The following SLC17A1 variants were observed in gnomAD, a reference collection of about 807,000 sequenced individuals.
SLC17A1 encodes the protein sodium-dependent phosphate transport protein 1.
In SLC17A1, 51 loss-of-function variants were observed where a neutral mutation model predicts 53.5. That is an observed-to-expected ratio of 0.95 (90% confidence interval 0.76 to 1.20). The LOEUF (loss-of-function observed/expected upper bound fraction) is 1.20. Among genes scored for constraint, SLC17A1 ranks in the 50% most tolerant of loss-of-function variants. The pLI, the probability that SLC17A1 is intolerant of heterozygous loss-of-function variation, is 0.00. For missense variants in SLC17A1, 538 were observed against 568.2 expected (o/e 0.95, Z 0.54); for synonymous variants, 179 against 198.8 (o/e 0.90, Z 0.84).
the SLC17A1 span, among the ~76,000 whole-genome samples, chr6:25,764,185 G>C: frequency 1.3e-5 from 2 of 152,134 alleles, 1 homozygote; most frequent in South Asian, 4.1e-4. Flanking sequence ...AGTTCGGCCT[G>C]CCACCTTGGG....
intron 10 of SLC17A1, among the ~76,000 whole-genome samples, chr6:25,801,505 C>A (rs894138244): frequency 6.6e-6 from 1 of 152,118 alleles, no homozygotes; most frequent in Non-Finnish European, 1.5e-5. Context: ...GAAGCTGCAG[C>A]GAACGATAGA....
At chr6:25,769,317 C>A in the SLC17A1 span, 1 of 904,534 alleles carries the variant, frequency 1.1e-6, no homozygotes, top group Non-Finnish European at 1.7e-6. Context: ...AGGAATGGCA[C>A]AAGTACCTAA....
intron 2 of SLC17A1, among the ~76,000 whole-genome samples, chr6:25,828,223 T>C (rs1764822138): frequency 6.6e-6 from 1 of 152,082 alleles, no homozygotes; most frequent in Non-Finnish European, 1.5e-5. Flanking sequence ...CAGGCCAATG[T>C]TGGATTTTTC....
At chr6:25,821,607 C>A (rs1192242040) in intron 3 of SLC17A1, among the ~76,000 whole-genome samples, 3 of 152,196 alleles carry the variant, frequency 2.0e-5, no homozygotes, top group Non-Finnish European at 2.9e-5. Flanking sequence ...GAACACATCA[C>A]TCAAAATCTT....
At chr6:25,826,728 G>T in intron 2 of SLC17A1, 95 bp from the exon 3 acceptor site, 2 of 790,520 alleles carry the variant, frequency 2.5e-6, no homozygotes, top group Non-Finnish European at 3.6e-6. Flanking sequence ...TGGAGCCCTA[G>T]ATATTAATTT....
chr6:25,725,960 G>C, the SLC17A1 span, among the ~76,000 whole-genome samples: 1 of 152,260 alleles, frequency 6.6e-6, no homozygotes, highest in African/African-American at 2.4e-5. Context: ...TTCAGTCCCC[G>C]TACATTCCCG....
the SLC17A1 span, among the ~76,000 whole-genome samples, chr6:25,758,945 T>C: frequency 2.6e-5 from 4 of 152,288 alleles, no homozygotes; most frequent in Non-Finnish European, 5.9e-5. Context: ...TGGTATGAAC[T>C]TTCCTCTTAG....
chr6:25,806,643 A>C (rs983252402), intron 10 of SLC17A1, among the ~76,000 whole-genome samples: 3 of 152,288 alleles, frequency 2.0e-5, no homozygotes, highest in South Asian at 2.1e-4. Flanking sequence ...TTAAGACCCC[A>C]AAAACAAATG....
At chr6:25,736,566 G>A in the SLC17A1 span, among the ~76,000 whole-genome samples, 3 of 152,076 alleles carry the variant, frequency 2.0e-5, no homozygotes, top group Non-Finnish European at 4.4e-5. Flanking sequence ...GGTATGGCTG[G>A]TGCTTTGAGA....
the SLC17A1 span, among the ~76,000 whole-genome samples, chr6:25,758,030 C>T: frequency 6.6e-6 from 1 of 152,214 alleles, no homozygotes; most frequent in African/African-American, 2.4e-5. Flanking sequence ...TGTGCTTCTT[C>T]ACCTCTGCTG....
At chr6:25,817,362 G>A (rs1162189206) in intron 6 of SLC17A1, among the ~76,000 whole-genome samples, 1 of 152,166 alleles carries the variant, frequency 6.6e-6, no homozygotes, top group African/African-American at 2.4e-5. Flanking sequence ...CGAACAGGTC[G>A]TTTGACATAC....
chr6:25,745,278 A>G, the SLC17A1 span, among the ~76,000 whole-genome samples: 2 of 152,166 alleles, frequency 1.3e-5, no homozygotes, highest in Non-Finnish European at 2.9e-5. Flanking sequence ...ATGTTAGTGG[A>G]AGTTTTTACT....
the SLC17A1 span, chr6:25,776,542 T>A: frequency 1.3e-6 from 2 of 1,544,084 alleles, no homozygotes; most frequent in South Asian, 2.6e-5. Context: ...GTTGTCTGTG[T>A]CGTGGTGGGG....
the SLC17A1 span, chr6:25,726,172 T>C: frequency 1.9e-6 from 3 of 1,579,928 alleles, no homozygotes; most frequent in African/African-American, 1.4e-5. Flanking sequence ...CTCAGTCTTC[T>C]TGGGCAGCAG....
chr6:25,779,070 G>A, downstream of SLC17A1: 1 of 1,613,754 alleles, frequency 6.2e-7, no homozygotes, highest in Non-Finnish European at 8.5e-7. Context: ...GAGTTTGGTT[G>A]GAGAAATGTC....
chr6:25,815,855 T>C (rs1764333362), intron 6 of SLC17A1, among the ~76,000 whole-genome samples: 1 of 151,744 alleles, frequency 6.6e-6, no homozygotes. Context: ...AACTGCCCGG[T>C]AGCAAGGGGA....
chr6:25,820,676 C>T (rs907310258), intron 3 of SLC17A1, among the ~76,000 whole-genome samples: 5 of 151,802 alleles, frequency 3.3e-5, no homozygotes, highest in African/African-American at 9.7e-5. Flanking sequence ...GTCAGGAGAT[C>T]GAGACCATCC....
At chr6:25,769,337 C>A in the SLC17A1 span, 1 of 774,960 alleles carries the variant, frequency 1.3e-6, no homozygotes, top group Non-Finnish European at 2.0e-6. Context: ...AGTATCAGGC[C>A]GAGCATGGTG....
the SLC17A1 span, chr6:25,773,691 C>A: frequency 6.2e-7 from 1 of 1,608,784 alleles, no homozygotes; most frequent in East Asian, 2.2e-5. Context: ...ACAGAGAAAG[C>A]TCATTCTGAT....
Sources: allele counts gnomAD v4.1 joint callset (sites outside exome capture counted in the v4.1 genomes callset), GRCh38; gene constraint gnomAD v4.1.1; transcripts MANE v1.5; gene names NCBI Gene and HGNC (gene_info 2026-07-23, HGNC 2026-07-21).